DBR1: variants seen among roughly 807,000 people sequenced by gnomAD.
DBR1 encodes the protein debranching RNA lariats 1.
A neutral mutation model predicts 45.9 loss-of-function variants in DBR1; 33 were observed. The ratio of observed to expected loss-of-function variants is 0.72; its 90% CI spans 0.55 to 0.96. The LOEUF (loss-of-function observed/expected upper bound fraction) is 0.96, where lower values mean the gene tolerates loss of function less well. Among genes scored for constraint, DBR1 ranks in the 40% least tolerant of loss-of-function variants. The probability of loss-of-function intolerance (pLI) is 0.00; values close to 1 mark genes in which losing one functional copy is unlikely to be tolerated. For missense variants in DBR1, 619 were observed against 667.4 expected, an observed-to-expected ratio of 0.93 and a Z score of 0.80; for synonymous variants, 235 against 235.9, an observed-to-expected ratio of 1.00 and a Z score of 0.04.
chr3:138,166,049 G>T (rs567734057), intron 5 of DBR1, among the ~76,000 whole-genome samples: 1 of 152,330 alleles, frequency 6.6e-6, no homozygotes, highest in East Asian at 1.9e-4. Flanking sequence ...CTCTAACACA[G>T]AAGTGTTTGG....
chr3:138,174,800 C>T lies in DBR1; in HGVS notation c.-5G>A, dbSNP rs1285313492. On this transcript the variant is annotated 5_prime_UTR_variant, in exon 1 of 8. Transcript: ENST00000260803. The stretch of plus-strand genomic sequence containing the variant: ...GCCAGCCACAGCCACCCGCATTCTG[C>T]CGGCCTGAGGAGGTGAGCGCTGCCT... 1.2e-6 allele frequency: 2 copies of T among 1,609,418 alleles called. No individual in the cohort carries two copies. Among genetic ancestry groups the T allele is most frequent in the South Asian group, 1.1e-5 (1 of 90,418 alleles).
intron 4 of DBR1, among the ~76,000 whole-genome samples, chr3:138,168,161 C>T (rs1463392045): frequency 6.6e-6 from 1 of 152,256 alleles, no homozygotes; most frequent in African/African-American, 2.4e-5. Flanking sequence ...ATACTCCAGA[C>T]TTTACTTATC....
chr3:138,172,326 G>T (rs2042958886), intron 2 of DBR1, among the ~76,000 whole-genome samples: 1 of 152,182 alleles, frequency 6.6e-6, no homozygotes, highest in Non-Finnish European at 1.5e-5. Flanking sequence ...GCTCATCCCT[G>T]TAATCCCACC....
chr3:138,173,571 G>A lies in DBR1; in HGVS notation c.253C>T (p.His85Tyr). ...PVLTLFIGGN[H>Y]EASNHLQELP... ...TCTTGCAAATGATTTGAGGCTTCAT[G>A]GTTTCCCCCAATGAAGAGCGTGAGA... The change falls in exon 2 of 8, where the codon CAT (histidine) becomes TAT (tyrosine). Residue 85 changes from histidine (H) to tyrosine (Y), a missense_variant. Physicochemically the swap from His to Tyr is moderately conservative, Grantham distance 83 (BLOSUM62 2). Around this residue, in one of 3 missense-constraint regions of DBR1, gnomAD observed 430 missense variants for 447.7 expected, o/e 0.96. Coordinates refer to ENST00000260803, the MANE Select transcript of DBR1 (RefSeq NM_016216.4). 2 of 1,613,476 alleles carry A rather than the reference G, an allele frequency of 1.2e-6. No homozygotes were observed. The highest frequency in any genetic ancestry group is 1.7e-6 in the Non-Finnish European group (2 of 1,179,484).
intron 5 of DBR1, among the ~76,000 whole-genome samples, chr3:138,166,192 C>T (rs144317281): frequency 6.6e-6 from 1 of 152,122 alleles, no homozygotes; most frequent in East Asian, 1.9e-4. Flanking sequence ...GCATTTTCTA[C>T]ACAGTTTTCC....
intron 4 of DBR1, among the ~76,000 whole-genome samples, 154 bp downstream of exon 4, chr3:138,169,953 T>A (rs2042947126): frequency 2.0e-5 from 3 of 151,624 alleles, no homozygotes; most frequent in Middle Eastern, 3.4e-3. Context: ...AAAAAAAAGG[T>A]TCATCTGTGA....
In DBR1 at chr3:138,170,851, A is replaced by C. The variant is rs573046231; in HGVS notation, c.404-659T>G. On this transcript the variant is annotated intron_variant, in intron 3 of 7. Coordinates refer to ENST00000260803, the MANE Select transcript of DBR1 (RefSeq NM_016216.4). ...TATGCAGTTGTGATATACTTATATA[A>C]TGGAATACTATTCACAAATGAACAG... is the stretch of plus-strand genomic sequence containing the variant. Among the ~76,000 whole-genome samples, 22 of 152,372 alleles carry C rather than the reference A, an allele frequency of 1.4e-4. 1 individual carries two copies. Among genetic ancestry groups the C allele is most frequent in the African/African-American group, 5.3e-4 (22 of 41,594 alleles).
chr3:138,170,343 G>A, intron 3 of DBR1, 151 bp from the exon 4 acceptor site: 1 of 556,556 alleles, frequency 1.8e-6, no homozygotes, highest in African/African-American at 2.0e-5. Flanking sequence ...AAAGATGGTG[G>A]ACTGCAGTCT....
chr3:138,164,019 C>A, intron 5 of DBR1, 161 bp from the exon 6 acceptor site: 1 of 471,524 alleles, frequency 2.1e-6, no homozygotes, highest in Non-Finnish European at 3.8e-6. Context: ...ATTCTATACC[C>A]ACTTGTGTGA....
chr3:138,174,310 CA>C (rs1559884878), intron 1 of DBR1, among the ~76,000 whole-genome samples: 1 of 152,122 alleles, frequency 6.6e-6, no homozygotes, highest in Non-Finnish European at 1.5e-5. Flanking sequence ...CAGGCTTCGA[CA>C]CCCTTTGAAA....
chr3:138,174,511 CA>C, intron 1 of DBR1, 87 bp downstream of exon 1: 1 of 1,343,890 alleles, frequency 7.4e-7, no homozygotes, highest in Non-Finnish European at 1.0e-6. Context: ...AGAACAAAGA[CA>C]GGATCTAAGG....
At chr3:138,172,615 G>C (rs1487884128) in intron 2 of DBR1, among the ~76,000 whole-genome samples, 1 of 152,050 alleles carries the variant, frequency 6.6e-6, no homozygotes, top group Admixed American at 6.6e-5. Flanking sequence ...GGGATGAAAA[G>C]GCTATATAGT....
At position 138,174,596 on chromosome 3, in the gene DBR1, C is replaced by T. The variant is rs776833407; in HGVS notation, c.197+3G>A. On this transcript the variant is annotated splice_donor_region_variant and intron_variant, in intron 1 of 7. Transcript: ENST00000260803. ...CCAAGTCCGGGCCCGGCCGCGTCCT[C>T]ACCTGTAGAAGGTTTGCATGTGACG... 19 of 1,602,930 alleles carry T rather than the reference C, an allele frequency of 1.2e-5. No homozygotes were observed. In the South Asian group the frequency reaches 2.1e-4, roughly 18 times the overall value.
In DBR1 at chr3:138,162,516, C is replaced by T; in HGVS notation, c.1008G>A (p.Lys336=). 1 of 1,613,738 alleles carries T rather than the reference C, an allele frequency of 6.2e-7. No homozygotes were observed. Among genetic ancestry groups the T allele is most frequent in the Non-Finnish European group, 8.5e-7 (1 of 1,179,662 alleles). The change falls in exon 8 of 8, where the codon AAG becomes AAA. Residue 336 remains lysine, a synonymous_variant. Coordinates refer to ENST00000260803, the MANE Select transcript of DBR1 (RefSeq NM_016216.4). ...CTGTTACACTAAAGTTACATGGAAC[C>T]TTGAGATCATGATTCAATTTTTCCA... ...EVLEKLNHDL[K]VPCNFSVTAA... is the part of the protein sequence containing the mutation.
Position 138,174,844 on chromosome 3 carries a change from G to A in DBR1, c.-49C>T, listed in dbSNP as rs72973074. On this transcript the variant is annotated 5_prime_UTR_variant, in exon 1 of 8. Transcript: ENST00000260803. The stretch of plus-strand genomic sequence containing the variant: ...GCTGCCTGCAACGCCCTACACCACA[G>A]CCAGCCCAGGACCGACTGATCGCTC... The A allele has an allele frequency of 4.3e-3, 6,792 of 1,568,884 alleles. 230 individuals are homozygous for A. In the African/African-American group the frequency reaches 0.077, roughly 18 times the overall value.
chr3:138,174,545 G>T lies in DBR1; in HGVS notation c.197+54C>A, dbSNP rs944527365. 4 of 1,513,768 alleles carry T rather than the reference G, an allele frequency of 2.6e-6. No homozygotes were observed. The Admixed American group carries it at 7.8e-5, about 30-fold the overall frequency. The allele number at this position is 1,513,768 out of a possible 1,614,324, so 93.8% of individuals were successfully genotyped here. A position where few individuals can be genotyped will look rare whatever the true frequency, so the allele number is the denominator to read the frequency against. On this transcript the variant is annotated intron_variant, in intron 1 of 7. Coordinates refer to ENST00000260803, the MANE Select transcript of DBR1 (RefSeq NM_016216.4). ...AGGGAAACAGGCAGCCAGTGGCAGA[G>T]GGAACCCAGTCCCACCCCCCCACCG...
Position 138,174,857 on chromosome 3 carries a change from C to T in DBR1, c.-62G>A. On this transcript the variant is annotated 5_prime_UTR_variant, in exon 1 of 8. Transcript: ENST00000260803. Reference sequence around the variant, plus strand: ...CCCTACACCACAGCCAGCCCAGGACCGACTGATCGCTCAGCTCCCGCCAAC... The same window carrying T: ...CCCTACACCACAGCCAGCCCAGGACTGACTGATCGCTCAGCTCCCGCCAAC... The T allele has an allele frequency of 2.0e-6, 3 of 1,516,018 alleles. No individual in the cohort carries two copies. The highest frequency in any genetic ancestry group is 2.4e-5 in the South Asian group (2 of 83,742). The allele number at this position is 1,516,018 out of a possible 1,614,324, so 93.9% of individuals were successfully genotyped here.
Position 138,174,892 on chromosome 3 carries a change from T to A in DBR1, c.-97A>T. ...CTCAGCTCCCGCCAACTTTAATAAGTATAGCCACCGCCTGGGTGTAGACTC... is the reference window on the plus strand; with the variant it reads ...CTCAGCTCCCGCCAACTTTAATAAGAATAGCCACCGCCTGGGTGTAGACTC... On this transcript the variant is annotated 5_prime_UTR_variant, in exon 1 of 8. Transcript: ENST00000260803. 8.5e-7 allele frequency: 1 copy of A among 1,173,548 alleles called. No homozygotes were observed. Among genetic ancestry groups the A allele is most frequent in the Non-Finnish European group, 1.2e-6 (1 of 834,358 alleles). 72.7% of individuals were successfully genotyped at this position (1,173,548 alleles called of 1,614,324 possible).
intron 6 of DBR1, 121 bp downstream of exon 6, chr3:138,163,657 C>T (rs1226147046): frequency 4.0e-6 from 3 of 746,144 alleles, no homozygotes; most frequent in East Asian, 3.3e-5. Flanking sequence ...AAGATACCCC[C>T]AAAGAATTCT....
Sources: gnomAD v4.1 joint callset for allele counts (sites outside exome capture counted in the v4.1 genomes callset) on GRCh38, gnomAD v4.1.1 for gene constraint, gnomAD v4.1.1 regional missense constraint, MANE v1.5 for transcripts, NCBI Gene and HGNC (gene_info 2026-07-23, HGNC 2026-07-21) for gene names.